The following RBFOX2 variants were observed in gnomAD, a reference collection of about 807,000 sequenced individuals.
RBFOX2 encodes the protein RNA binding protein fox-1 homolog 2.
In RBFOX2, 10 loss-of-function variants were observed where a neutral mutation model predicts 49.1. The observed-to-expected ratio is 0.20, with a 90% confidence interval of 0.13 to 0.35. The LOEUF (loss-of-function observed/expected upper bound fraction) is 0.35. Among genes scored for constraint, RBFOX2 ranks in the 10% least tolerant of loss-of-function variants. The pLI is 1.00. For missense variants in RBFOX2, 323 were observed against 486.9 expected (o/e 0.66, Z 3.17); for synonymous variants, 183 against 187.4 (o/e 0.98, Z 0.19).
chr22:35,826,084 A>C (rs980161843), intron 1 of RBFOX2, among the ~76,000 whole-genome samples: 3 of 149,826 alleles, frequency 2.0e-5, no homozygotes, highest in Non-Finnish European at 4.4e-5. Flanking sequence ...GCTCACGCCT[A>C]TAATCCCAGC....
chr22:35,759,733 G>GT lies in RBFOX2; in HGVS notation c.887+154dup, dbSNP rs1938075467. On this transcript the variant is annotated intron_variant, in intron 9 of 11. Transcript: ENST00000405409. The surrounding 1 kb of genome is among the most constrained non-coding windows in gnomAD (Gnocchi z 4.6). ...TCACATTCTGATGATGGTATATTTT[G>GT]TTTTTTGTCATCTAATCTGTTAATT... Among the ~76,000 whole-genome samples the GT allele has an allele frequency of 6.6e-6, 1 of 152,224 alleles. No homozygotes were observed. The highest frequency in any genetic ancestry group is 1.9e-4 in the East Asian group (1 of 5,188).
At chr22:35,876,810 T>C (rs1455037253) in intron 1 of RBFOX2, among the ~76,000 whole-genome samples, 2 of 152,076 alleles carry the variant, frequency 1.3e-5, no homozygotes, top group Non-Finnish European at 2.9e-5. Flanking sequence ...GGAAAACGTT[T>C]GAGCACACTG....
chr22:35,867,034 T>C (rs777801671), intron 1 of RBFOX2, among the ~76,000 whole-genome samples: 2 of 152,072 alleles, frequency 1.3e-5, no homozygotes, highest in Admixed American at 1.3e-4. Flanking sequence ...AGAAAATAAA[T>C]ATGAAATTAT....
chr22:35,878,995 G>A (rs926647300), intron 1 of RBFOX2, among the ~76,000 whole-genome samples: 2 of 152,216 alleles, frequency 1.3e-5, no homozygotes, highest in African/African-American at 4.8e-5. Flanking sequence ...CTCCCAAAGT[G>A]CTGGGATTAC....
intron 1 of RBFOX2, among the ~76,000 whole-genome samples, chr22:35,970,692 A>C (rs866858423): frequency 2.0e-5 from 3 of 152,162 alleles, no homozygotes; most frequent in Admixed American, 6.5e-5. Context: ...AAATGTGATC[A>C]TGGTGCTTAC....
At chr22:35,967,496 T>A (rs1051489863) in intron 1 of RBFOX2, among the ~76,000 whole-genome samples, 4 of 152,084 alleles carry the variant, frequency 2.6e-5, no homozygotes, top group African/African-American at 9.7e-5. Context: ...TACATTAAAT[T>A]AAACTCATCA....
At chr22:35,980,286 T>C (rs572579373) in intron 1 of RBFOX2, among the ~76,000 whole-genome samples, 13 of 152,288 alleles carry the variant, frequency 8.5e-5, no homozygotes, top group Non-Finnish European at 1.9e-4. Flanking sequence ...ATGAGTATAT[T>C]TGGGGATCTC....
intron 1 of RBFOX2, among the ~76,000 whole-genome samples, chr22:35,888,278 AC>A (rs1353390569): frequency 6.6e-6 from 1 of 152,160 alleles, no homozygotes; most frequent in African/African-American, 2.4e-5. Flanking sequence ...ACTATTTTAT[AC>A]CTTGCTTCAC....
intron 9 of RBFOX2, among the ~76,000 whole-genome samples, chr22:35,756,689 T>C (rs1937060805): frequency 6.6e-6 from 1 of 152,180 alleles, no homozygotes; most frequent in East Asian, 1.9e-4. Flanking sequence ...TAAATGTTTT[T>C]CTGATATCCA....
At chr22:35,842,070 G>A (rs187231566), upstream of RBFOX2, among the ~76,000 whole-genome samples, 18 of 152,204 alleles carry the variant, frequency 1.2e-4, no homozygotes, top group East Asian at 3.3e-3. Flanking sequence ...AAAAAAATGT[G>A]TTGTATAACA....
chr22:35,963,111 TATA>T (rs1302897740), upstream of RBFOX2, among the ~76,000 whole-genome samples: 2 of 117,108 alleles, frequency 1.7e-5, no homozygotes, highest in Non-Finnish European at 3.6e-5. Flanking sequence ...AATAATTTAG[TATA>T]ATAACAGTCA....
At chr22:35,980,744 A>G (rs1300655968) in intron 1 of RBFOX2, among the ~76,000 whole-genome samples, 1 of 152,168 alleles carries the variant, frequency 6.6e-6, no homozygotes, top group Non-Finnish European at 1.5e-5. Flanking sequence ...CCCAATAGTA[A>G]ATATGACAAT....
intron 6 of RBFOX2, among the ~76,000 whole-genome samples, chr22:35,764,943 C>CA (rs1175409959): frequency 3.3e-5 from 5 of 151,920 alleles, no homozygotes; most frequent in Non-Finnish European, 5.9e-5. Flanking sequence ...CAACCATACC[C>CA]ATGGCTGTTA....
chr22:35,962,344 C>T (rs531271126), upstream of RBFOX2, among the ~76,000 whole-genome samples: 18 of 152,274 alleles, frequency 1.2e-4, 1 homozygote, highest in South Asian at 3.5e-3. Flanking sequence ...GGGACTGACC[C>T]ACTATGTAAA....
At chr22:35,954,622 T>C (rs1044450453) in intron 1 of RBFOX2, among the ~76,000 whole-genome samples, 2 of 152,200 alleles carry the variant, frequency 1.3e-5, no homozygotes, top group African/African-American at 4.8e-5. Flanking sequence ...GCTTACATGA[T>C]TAGGTTCCAA....
intron 2 of RBFOX2, among the ~76,000 whole-genome samples, chr22:35,798,506 G>C (rs1311677647): frequency 2.6e-5 from 4 of 152,164 alleles, no homozygotes; most frequent in African/African-American, 7.2e-5. Flanking sequence ...AAGTAATCTT[G>C]AATCTCTCTA....
intron 1 of RBFOX2, among the ~76,000 whole-genome samples, chr22:35,973,175 T>A (rs1326817598): frequency 6.6e-6 from 1 of 152,214 alleles, no homozygotes; most frequent in African/African-American, 2.4e-5. Context: ...TAAAGTACTG[T>A]GAGAGTCCTC....
intron 1 of RBFOX2, among the ~76,000 whole-genome samples, chr22:35,827,010 T>C (rs578154355): frequency 6.6e-6 from 1 of 152,334 alleles, no homozygotes; most frequent in South Asian, 2.1e-4. Context: ...TTGGTCACAG[T>C]TGCTCTATGT....
At chr22:35,789,188 T>C (rs1680389418) in intron 2 of RBFOX2, among the ~76,000 whole-genome samples, 1 of 150,566 alleles carries the variant, frequency 6.6e-6, no homozygotes, top group African/African-American at 2.4e-5. Flanking sequence ...TAGAAATAGG[T>C]TGTGTTGTAA....
Sources: allele counts gnomAD v4.1 joint callset (sites outside exome capture counted in the v4.1 genomes callset), GRCh38; gene constraint gnomAD v4.1.1; non-coding constraint Gnocchi (gnomAD v3.1); transcripts MANE v1.5; gene names NCBI Gene and HGNC (gene_info 2026-07-23, HGNC 2026-07-21).